The following LDHD variants were observed in gnomAD, a reference collection of about 807,000 sequenced individuals.
LDHD encodes D-lactate dehydrogenase, mitochondrial.
In LDHD, 58 loss-of-function variants were observed where a neutral mutation model predicts 52.9. The observed-to-expected ratio is 1.10, with a 90% confidence interval of 0.89 to 1.36. LDHD has a LOEUF of 1.36. LDHD is among the 40% of genes most tolerant of loss of function. The probability of loss-of-function intolerance (pLI) is 0.00; values close to 1 mark genes in which losing one functional copy is unlikely to be tolerated. For synonymous variants in LDHD, 350 were observed against 288.6 expected (o/e 1.21, Z -2.16); for missense variants, 747 against 668.0 (o/e 1.12, Z -1.30).
chr16:75,112,980 C>T (rs1041432707), intron 8 of LDHD, 56 bp from the exon 9 acceptor site: 7 of 1,361,644 alleles, frequency 5.1e-6, no homozygotes, highest in African/African-American at 4.3e-5. Context: ...ACGGGGTCAC[C>T]GTGGTCAAGG....
At chr16:75,112,796 A>G (rs757954099) in intron 9 of LDHD, 38 bp downstream of exon 9, 2 of 1,600,244 alleles carry the variant, frequency 1.2e-6, no homozygotes, top group Admixed American at 3.4e-5. Flanking sequence ...CAGCCCTGAC[A>G]CCTCCCCACC....
chr16:75,113,750 TG>T lies in LDHD; in HGVS notation c.949del (p.Gln317SerfsTer6). Reference sequence around the variant, plus strand: ...ACTCCACCCCAGCATACCTGTGCGCTGCAGCTGCTCCTCCAGTGCCTGCTGG... The same window carrying T: ...ACTCCACCCCAGCATACCTGTGCGCTCAGCTGCTCCTCCAGTGCCTGCTGG... ...GSQQALEEQL[Q>X]RTEEIVQQNG... is the part of the protein sequence containing the mutation. On this transcript the variant is annotated frameshift_variant, in exon 7 of 11. Coordinates refer to ENST00000450168, the MANE Select transcript of LDHD (RefSeq NM_194436.3). LOFTEE classifies it high-confidence loss of function. The T allele has an allele frequency of 6.2e-7, 1 of 1,613,908 alleles. No homozygotes were observed. Among genetic ancestry groups the T allele is most frequent in the Non-Finnish European group, 8.5e-7 (1 of 1,180,028 alleles).
rs1370060885 is a variant in LDHD, at chr16:75,113,979, G to A, written c.816C>T (p.Pro272=). Residue 272 remains proline (P), a synonymous_variant, in exon 6 of 11, where the codon CCC becomes CCT. Transcript: ENST00000450168. ...STVHILQAAV[P]VARIEFLDEV... ...TCCTCAGCTCACCAATGCGGGCTAC[G>A]GGCACTGCAGCCTGGAGGATGTGTA... 6 of 1,598,912 alleles carry A rather than the reference G, an allele frequency of 3.8e-6. No homozygotes were observed. Among genetic ancestry groups the A allele is most frequent in the South Asian group, 1.1e-5 (1 of 89,476 alleles).
rs1181803922 is a variant in LDHD, at chr16:75,112,336, G to A, written c.*20C>T. On this transcript the variant is annotated 3_prime_UTR_variant, in exon 11 of 11. Transcript: ENST00000450168. ...GGCTCCGTAGTCAGGGAACTTGTGG[G>A]CTAAGTGCTCAGACCCCCTTCACAG... 1.9e-6 allele frequency: 3 copies of A among 1,586,998 alleles called. No individual in the cohort carries two copies. Among genetic ancestry groups the A allele is most frequent in the Non-Finnish European group, 1.7e-6 (2 of 1,161,386 alleles).
At position 75,114,593 on chromosome 16, in the gene LDHD, G is replaced by A. The variant is rs777883792; in HGVS notation, c.562C>T (p.Leu188Phe). The A allele has an allele frequency of 6.5e-6, 10 of 1,534,260 alleles. No individual in the cohort carries two copies. The South Asian group carries it at 1.1e-4, about 16-fold the overall frequency. Residue 188 changes from leucine (L) to phenylalanine (F), a missense_variant, in exon 5 of 11, where the codon CTC (leucine) becomes TTC (phenylalanine). Coordinates refer to ENST00000450168, the MANE Select transcript of LDHD (RefSeq NM_194436.3). ...TCGGGCAGCACCACCTCCAGGTTGA[G>A]CACGTTGTCCCGCATGGTGCCGTAG... Reference protein sequence around the residue: ...VRYGTMRDNVLNLEVVLPDGR... With the variant: ...VRYGTMRDNVFNLEVVLPDGR...
chr16:75,114,236 T>C (rs2036483707), intron 5 of LDHD, 71 bp from the exon 6 acceptor site: 2 of 1,591,246 alleles, frequency 1.3e-6, no homozygotes, highest in Non-Finnish European at 1.7e-6. Context: ...AAGCCGAAGC[T>C]GGAACCCAAG....
In LDHD at chr16:75,112,154, T is replaced by G. The variant is rs1386111616; in HGVS notation, c.*202A>C. 4.8e-6 allele frequency: 3 copies of G among 621,666 alleles called. No individual in the cohort carries two copies. Among genetic ancestry groups the G allele is most frequent in the Non-Finnish European group, 8.1e-6 (3 of 368,692 alleles). The allele number at this position is 621,666 out of a possible 1,614,324, so 38.5% of individuals were successfully genotyped here. On this transcript the variant is annotated 3_prime_UTR_variant, in exon 11 of 11. Coordinates refer to ENST00000450168, the MANE Select transcript of LDHD (RefSeq NM_194436.3). ...GGTCGTTTACTGAACCAAAGGCTCC[T>G]GGGGCCAGCCAGAGGGCCAGGGAGG...
rs772925011 is a variant in LDHD, at chr16:75,112,654, C to G, written c.1237G>C (p.Asp413His). The G allele has an allele frequency of 6.2e-7, 1 of 1,614,160 alleles. No individual in the cohort carries two copies. Among genetic ancestry groups the G allele is most frequent in the Non-Finnish European group, 8.5e-7 (1 of 1,180,036 alleles). Residue 413 changes from aspartate (D) to histidine (H), a missense_variant, in exon 10 of 11, where the codon GAT (aspartate) becomes CAT (histidine). Transcript: ENST00000450168. ...ACCCTGCCCAGTTCCTCGGCGTCAT[C>G]AGGGTTGACCAGCAGGATGCAGTGG... ...NFHCILLVNP[D>H]DAEELGRVKA...
Position 75,112,315 on chromosome 16 carries a change from C to G in LDHD, c.*41G>C, listed in dbSNP as rs745886319. ...ATGAAGAAAAGTTCCAGAACCGGCT[C>G]CGTAGTCAGGGAACTTGTGGGCTAA... is the stretch of plus-strand genomic sequence containing the variant. On this transcript the variant is annotated 3_prime_UTR_variant, in exon 11 of 11. Coordinates refer to ENST00000450168, the MANE Select transcript of LDHD (RefSeq NM_194436.3). 15 of 1,568,834 alleles carry G rather than the reference C, an allele frequency of 9.6e-6. No individual in the cohort carries two copies. In the South Asian group the frequency reaches 1.6e-4, roughly 17 times the overall value.
intron 6 of LDHD, 35 bp from the exon 7 acceptor site, chr16:75,113,905 T>C: frequency 6.2e-7 from 1 of 1,612,072 alleles, no homozygotes; most frequent in Non-Finnish European, 8.5e-7. Flanking sequence ...AGGTGAGGCC[T>C]GGCCTTCCCA....
At chr16:75,113,486 G>A in intron 8 of LDHD, 49 bp downstream of exon 8, 1 of 1,559,082 alleles carries the variant, frequency 6.4e-7, no homozygotes, top group South Asian at 1.2e-5. Flanking sequence ...TGAGGAAAGG[G>A]TTTGTGGGCC....
chr16:75,112,532 G>A lies in LDHD; in HGVS notation c.1290-11C>T, dbSNP rs1471295300. ...AGAGCCAGTGCCCGCCTGGGGGCAGGAAGGAGACATCCTCAGGGGGCTCCC... is the reference window on the plus strand; with the variant it reads ...AGAGCCAGTGCCCGCCTGGGGGCAGAAAGGAGACATCCTCAGGGGGCTCCC... On this transcript the variant is annotated splice_polypyrimidine_tract_variant and intron_variant, in intron 10 of 10. Transcript: ENST00000450168. 1 of 1,613,084 alleles carries A rather than the reference G, an allele frequency of 6.2e-7. No homozygotes were observed. The highest frequency in any genetic ancestry group is 8.5e-7 in the Non-Finnish European group (1 of 1,179,622).
intron 5 of LDHD, 99 bp from the exon 6 acceptor site, chr16:75,114,264 T>C (rs2036484521): frequency 6.4e-7 from 1 of 1,571,700 alleles, no homozygotes; most frequent in East Asian, 2.2e-5. Flanking sequence ...CCCCAGGCAC[T>C]GAGGTCTGGG....
chr16:75,114,968 C>T lies in LDHD; in HGVS notation c.328G>A (p.Gly110Ser). The T allele has an allele frequency of 6.2e-7, 1 of 1,609,514 alleles. No individual in the cohort carries two copies. Among genetic ancestry groups the T allele is most frequent in the South Asian group, 1.1e-5 (1 of 90,392 alleles). The change falls in exon 4 of 11, where the codon GGC becomes AGC. Residue 110 changes from glycine (G) to serine (S), a missense_variant and splice_region_variant. Transcript: ENST00000450168. ...GLEGGVCAVQ[G>S]GVCVNLTHMD... ...TGCGTCAGGTTAACGCAGACGCCGC[C>T]CTGGTTGGGGCAGGTGCTAAGACCA...
At chr16:75,115,718 T>C in intron 1 of LDHD, 58 bp from the exon 2 acceptor site, 1 of 1,112,544 alleles carries the variant, frequency 9.0e-7, no homozygotes, top group Non-Finnish European at 1.3e-6. Flanking sequence ...GCCACAGCCC[T>C]GCCCCAGTGT....
In LDHD at chr16:75,115,357, G is replaced by A. The variant is rs2036525466; in HGVS notation, c.186-18C>T. The A allele has an allele frequency of 6.2e-7, 1 of 1,612,792 alleles. No homozygotes were observed. Among genetic ancestry groups the A allele is most frequent in the South Asian group, 1.1e-5 (1 of 91,088 alleles). ...GTTCGCACCTAGAACCAGACCCTCA[G>A]CGATTTAGCGGGGCGTGACACCCTC... On this transcript the variant is annotated intron_variant, in intron 2 of 10. Transcript: ENST00000450168.
chr16:75,112,607 C>T lies in LDHD; in HGVS notation c.1284G>A (p.Leu428=), dbSNP rs761641296. 7 of 1,614,110 alleles carry T rather than the reference C, an allele frequency of 4.3e-6. No individual in the cohort carries two copies. The East Asian group carries it at 1.3e-4, about 31-fold the overall frequency. ...CTCCCTGGCTTTGCTCCTACCTGCC[C>T]AGCTGTTCTGCAAAAGCCTTGACCC... ...LGRVKAFAEQ[L]GRRALALHGT... is the part of the protein sequence containing the mutation. Residue 428 remains leucine (L), a synonymous_variant, in exon 10 of 11, where the codon CTG becomes CTA. Transcript: ENST00000450168.
rs1467345845 is a variant in LDHD at position 75,114,549 on chromosome 16, C to A, written c.606G>T (p.Thr202=). 2.6e-6 allele frequency: 4 copies of A among 1,529,594 alleles called. No individual in the cohort carries two copies. Among genetic ancestry groups the A allele is most frequent in the Middle Eastern group, 4.4e-4 (2 of 4,582 alleles). 94.8% of individuals were successfully genotyped at this position (1,529,594 alleles called of 1,614,324 possible). A position where few individuals can be genotyped will look rare whatever the true frequency, so the allele number is the denominator to read the frequency against. Residue 202 remains threonine, a synonymous_variant, in exon 5 of 11, where the codon ACG becomes ACT. Coordinates refer to ENST00000450168, the MANE Select transcript of LDHD (RefSeq NM_194436.3). ...ACCGGAAATGCCGGCCTCGGCCCGC[C>A]GTGTGCAGCAGCCGCCCGTCGGGCA... ...VVLPDGRLLH[T]AGRGRHFRKS...
Position 75,114,976 on chromosome 16 carries a change from G to C in LDHD, c.328-8C>G, listed in dbSNP as rs759712313. 7 of 1,607,170 alleles carry C rather than the reference G, an allele frequency of 4.4e-6. No homozygotes were observed. Among genetic ancestry groups the C allele is most frequent in the Non-Finnish European group, 5.9e-6 (7 of 1,176,808 alleles). On this transcript the variant is annotated splice_polypyrimidine_tract_variant and splice_region_variant and intron_variant, in intron 3 of 10. Coordinates refer to ENST00000450168, the MANE Select transcript of LDHD (RefSeq NM_194436.3). ...GTTAACGCAGACGCCGCCCTGGTTG[G>C]GGCAGGTGCTAAGACCACTGCAGAC...
Sources: gnomAD v4.1 joint callset for allele counts on GRCh38, gnomAD v4.1.1 for gene constraint, MANE v1.5 for transcripts, NCBI Gene and HGNC (gene_info 2026-07-23, HGNC 2026-07-21) for gene names.